The following SLC9A9 variants were observed in gnomAD, a reference collection of about 807,000 sequenced individuals.
SLC9A9 encodes sodium/hydrogen exchanger 9.
A neutral mutation model predicts 77.8 loss-of-function variants in SLC9A9; 62 were observed. That is an observed-to-expected ratio of 0.80 (90% CI 0.65 to 0.98). SLC9A9 has a LOEUF of 0.98. SLC9A9 is among the 50% of genes least tolerant of loss of function. SLC9A9 has a pLI of 0.00. For missense variants in SLC9A9, 775 were observed against 774.9 expected (o/e 1.00, Z 0.00); for synonymous variants, 320 against 283.5 (o/e 1.13, Z -1.29).
chr3:143,679,770 T>C (rs1250906954), intron 5 of SLC9A9, among the ~76,000 whole-genome samples: 1 of 152,094 alleles, frequency 6.6e-6, no homozygotes, highest in Admixed American at 6.5e-5. Flanking sequence ...CTGAGGGTTA[T>C]GACAACTTAG....
intron 1 of SLC9A9, among the ~76,000 whole-genome samples, chr3:143,840,293 C>T (rs1288978260): frequency 6.6e-6 from 1 of 152,046 alleles, no homozygotes; most frequent in East Asian, 1.9e-4. Flanking sequence ...AAACCCATAC[C>T]ATCTTGGGCT....
At chr3:143,416,871 C>T (rs2034204808) in intron 12 of SLC9A9, among the ~76,000 whole-genome samples, 1 of 152,148 alleles carries the variant, frequency 6.6e-6, no homozygotes. Flanking sequence ...ATATACATAT[C>T]AGATATCCAC....
At chr3:143,477,347 T>TTTTTTTTTTC (rs1553758984) in intron 11 of SLC9A9, among the ~76,000 whole-genome samples, 1 of 103,046 alleles carries the variant, frequency 9.7e-6, no homozygotes. Context: ...TTTTTTTTTT[T>TTTTTTTTTTC]CCCCCTCCCC....
intron 6 of SLC9A9, among the ~76,000 whole-genome samples, chr3:143,620,155 A>G (rs2038176238): frequency 6.6e-6 from 1 of 152,080 alleles, no homozygotes; most frequent in Non-Finnish European, 1.5e-5. Context: ...GACTTTTTTG[A>G]TCTATTTCAT....
intron 4 of SLC9A9, among the ~76,000 whole-genome samples, chr3:143,753,217 C>A (rs977536328): frequency 6.6e-6 from 1 of 152,110 alleles, no homozygotes; most frequent in Admixed American, 6.5e-5. Context: ...TATTTTATGA[C>A]CTTTGGACAG....
chr3:143,466,020 A>G lies in SLC9A9; in HGVS notation c.1469+1017T>C, dbSNP rs113603893. ...TGAGACCTGCAGTGAATGGTTAATG[A>G]AAGTGTTTACATTTGTGGTTGTATT... On this transcript the variant is annotated intron_variant, in intron 12 of 15. Transcript: ENST00000316549. Among the ~76,000 whole-genome samples, 381 of 152,354 alleles carry G rather than the reference A, an allele frequency of 2.5e-3. 1 individual carries two copies. The highest frequency in any genetic ancestry group is 8.6e-3 in the African/African-American group (356 of 41,576).
intron 2 of SLC9A9, among the ~76,000 whole-genome samples, chr3:143,817,608 GATTT>G (rs1394287971): frequency 6.6e-6 from 1 of 152,030 alleles, no homozygotes; most frequent in African/African-American, 2.4e-5. Context: ...ATCCATCTCG[GATTT>G]ATTTGTGATA....
At position 143,495,391 on chromosome 3, in the gene SLC9A9, C is replaced by A; in HGVS notation, c.1147G>T (p.Ala383Ser). 6.2e-7 allele frequency: 1 copy of A among 1,614,102 alleles called. No individual in the cohort carries two copies. Among genetic ancestry groups the A allele is most frequent in the East Asian group, 2.2e-5 (1 of 44,880 alleles). The change falls in exon 10 of 16, where the codon GCA becomes TCA. Residue 383 changes from alanine (A) to serine (S), a missense_variant. Coordinates refer to ENST00000316549, the MANE Select transcript of SLC9A9 (RefSeq NM_173653.4). ...ENVIFCYMGL[A>S]LFTFQNHIFN... ...ATATGATTCTGGAACGTGAACAGTG[C>A]CAGGCCCATGTAACAGAAGATGACG...
At chr3:143,299,644 C>T (rs1418008119) in intron 14 of SLC9A9, among the ~76,000 whole-genome samples, 5 of 152,100 alleles carry the variant, frequency 3.3e-5, no homozygotes, top group Non-Finnish European at 5.9e-5. Context: ...GGGGTTTCAC[C>T]GTGTTAGCCA....
intron 6 of SLC9A9, among the ~76,000 whole-genome samples, chr3:143,606,430 CTCTCTCTATATATATATA>C (rs1222269555): frequency 7.9e-5 from 5 of 63,358 alleles, no homozygotes; most frequent in African/African-American, 2.4e-4. Context: ...CTCTCTCTCT[CTCTCTCTATATATATATA>C]TATATATATA....
intron 4 of SLC9A9, among the ~76,000 whole-genome samples, chr3:143,721,641 C>T (rs1934500820): frequency 6.6e-6 from 1 of 152,148 alleles, no homozygotes; most frequent in South Asian, 2.1e-4. Context: ...ACCTCTCCTT[C>T]AGCTACCTCC....
intron 6 of SLC9A9, among the ~76,000 whole-genome samples, chr3:143,587,727 G>A (rs1468567616): frequency 6.6e-6 from 1 of 152,216 alleles, no homozygotes; most frequent in Non-Finnish European, 1.5e-5. Flanking sequence ...TAGTTACAGT[G>A]GAGGAAGGTG....
intron 6 of SLC9A9, 22 bp from the exon 7 acceptor site, chr3:143,578,745 G>T (rs1364368216): frequency 1.2e-6 from 2 of 1,613,626 alleles, no homozygotes. Flanking sequence ...AGAGGGTGGA[G>T]GTTAGTTAGT....
intron 2 of SLC9A9, among the ~76,000 whole-genome samples, chr3:143,800,908 A>G (rs1199883521): frequency 6.6e-6 from 1 of 152,102 alleles, no homozygotes; most frequent in Non-Finnish European, 1.5e-5. Flanking sequence ...AAAAACACAC[A>G]TGCTCTCCCT....
chr3:143,452,483 G>A (rs868787172), intron 12 of SLC9A9, among the ~76,000 whole-genome samples: 9 of 102,524 alleles, frequency 8.8e-5, no homozygotes, highest in African/African-American at 2.6e-4. Flanking sequence ...AAAAAAGAAG[G>A]AAAAACTGAT....
rs184230795 is a variant in SLC9A9, at chr3:143,312,257, G to T, written c.1605-43277C>A. On this transcript the variant is annotated intron_variant, in intron 14 of 15. Transcript: ENST00000316549. The stretch of plus-strand genomic sequence containing the variant: ...TCCAATAGCAAGTCAAAAGGAGTAG[G>T]AATAAACTTTGGTGGAAAAACAAGT... 1.1e-4 allele frequency among the ~76,000 whole-genome samples: 16 copies of T among 152,352 alleles called. No homozygotes were observed. The East Asian group carries it at 3.1e-3, about 29-fold the overall frequency.
At chr3:143,299,478 C>G (rs577937364) in intron 14 of SLC9A9, among the ~76,000 whole-genome samples, 16 of 151,110 alleles carry the variant, frequency 1.1e-4, no homozygotes, top group Non-Finnish European at 1.9e-4. Flanking sequence ...GAGTCTTGCT[C>G]TGTCGCCCAG....
In SLC9A9 at chr3:143,540,474, C is replaced by T. The variant is rs561746958; in HGVS notation, c.1089+11888G>A. Among the ~76,000 whole-genome samples, 10 of 152,218 alleles carry T rather than the reference C, an allele frequency of 6.6e-5. No individual in the cohort carries two copies. The South Asian group carries it at 2.1e-3, about 32-fold the overall frequency. ...TGGTGATCTGCAGGAACGGAGTTCCCTTCATCATCCTCTGTTAAGGGGACA... is the reference window on the plus strand; with the variant it reads ...TGGTGATCTGCAGGAACGGAGTTCCTTTCATCATCCTCTGTTAAGGGGACA... On this transcript the variant is annotated intron_variant, in intron 9 of 15. Coordinates refer to ENST00000316549, the MANE Select transcript of SLC9A9 (RefSeq NM_173653.4).
intron 13 of SLC9A9, among the ~76,000 whole-genome samples, chr3:143,379,000 G>T (rs1295433068): frequency 1.3e-5 from 2 of 151,424 alleles, no homozygotes; most frequent in Non-Finnish European, 2.9e-5. Flanking sequence ...AGAGAACAAA[G>T]AAGAAATTTA....
Sources: gnomAD v4.1 joint callset for allele counts (sites outside exome capture counted in the v4.1 genomes callset) on GRCh38, gnomAD v4.1.1 for gene constraint, MANE v1.5 for transcripts, NCBI Gene and HGNC (gene_info 2026-07-23, HGNC 2026-07-21) for gene names.